ARSK: variants seen among roughly 807,000 people sequenced by gnomAD.
ARSK encodes the protein arylsulfatase K.
A neutral mutation model predicts 53.2 loss-of-function variants in ARSK; 37 were observed. That is an observed-to-expected ratio of 0.70 (90% CI 0.54 to 0.92). The LOEUF is 0.92. ARSK is among the 40% of genes least tolerant of loss of function. The probability of loss-of-function intolerance (pLI) is 0.00; values close to 1 mark genes in which losing one functional copy is unlikely to be tolerated. For missense variants in ARSK, 613 were observed against 643.0 expected (o/e 0.95, Z 0.51); for synonymous variants, 208 against 223.2 (o/e 0.93, Z 0.61).
chr5:95,568,553 T>G (rs1489289183), intron 3 of ARSK, among the ~76,000 whole-genome samples: 1 of 152,224 alleles, frequency 6.6e-6, no homozygotes, highest in African/African-American at 2.4e-5. Flanking sequence ...CTACTAGCAT[T>G]GTAGTAGTCT....
chr5:95,562,717 G>A (rs1221310098), intron 1 of ARSK, among the ~76,000 whole-genome samples: 1 of 152,188 alleles, frequency 6.6e-6, no homozygotes, highest in East Asian at 1.9e-4. Flanking sequence ...GCAACTAAAG[G>A]CAGTTGGTAC....
intron 3 of ARSK, among the ~76,000 whole-genome samples, chr5:95,581,515 G>A (rs776270792): frequency 4.5e-4 from 68 of 152,150 alleles, no homozygotes; most frequent in Admixed American, 1.9e-3. Context: ...AACTAATTAG[G>A]TTGTATTAAA....
chr5:95,568,254 T>C (rs1430925093), intron 3 of ARSK, among the ~76,000 whole-genome samples: 1 of 152,228 alleles, frequency 6.6e-6, no homozygotes, highest in African/African-American at 2.4e-5. Flanking sequence ...CATTTTGTTT[T>C]TCTTAAGCAT....
At chr5:95,575,277 A>G (rs2112425389) in intron 3 of ARSK, among the ~76,000 whole-genome samples, 1 of 152,274 alleles carries the variant, frequency 6.6e-6, no homozygotes, top group Non-Finnish European at 1.5e-5. Context: ...GGCAGGTAAT[A>G]TGATTCCTCC....
chr5:95,599,842 CAAGTT>C (rs1454037471), intron 6 of ARSK, among the ~76,000 whole-genome samples: 1 of 152,094 alleles, frequency 6.6e-6, no homozygotes, highest in African/African-American at 2.4e-5. Context: ...CAAAGATAGT[CAAGTT>C]AAATTAATTT....
chr5:95,569,509 A>G (rs925963638), intron 3 of ARSK, among the ~76,000 whole-genome samples: 3 of 152,210 alleles, frequency 2.0e-5, no homozygotes, highest in African/African-American at 7.2e-5. Context: ...CACACAGAGA[A>G]GAAAACAATG....
In ARSK at chr5:95,571,692, G is replaced by A. The variant is rs188262774; in HGVS notation, c.416+3643G>A. Among the ~76,000 whole-genome samples the A allele has an allele frequency of 3.8e-3, 583 of 152,284 alleles. 4 individuals carry two copies. Among genetic ancestry groups the A allele is most frequent in the South Asian group, 7.2e-3 (35 of 4,828 alleles). On this transcript the variant is annotated intron_variant, in intron 3 of 7. Transcript: ENST00000380009. Reference sequence around the variant, plus strand: ...TCAGTGCAATACTTGCTTAAAGCATGTTTTCATTTACTCACACTCTCATCA... The same window carrying A: ...TCAGTGCAATACTTGCTTAAAGCATATTTTCATTTACTCACACTCTCATCA...
In ARSK at chr5:95,576,683, G is replaced by A. The variant is rs895081741; in HGVS notation, c.417-6233G>A. ...GTGGATCACTTGGGCTCAGGAGCTC[G>A]AGACCAGCCTGGCCAACATGGTGAA... is the stretch of plus-strand genomic sequence containing the variant. On this transcript the variant is annotated intron_variant, in intron 3 of 7. Transcript: ENST00000380009. Among the ~76,000 whole-genome samples, 7 of 151,510 alleles carry A rather than the reference G, an allele frequency of 4.6e-5. 1 individual carries two copies. In the East Asian group the frequency reaches 1.2e-3, roughly 26 times the overall value.
Position 95,555,919 on chromosome 5 carries a change from C to T in ARSK, c.126+515C>T, listed in dbSNP as rs752526839. 2.0e-5 allele frequency among the ~76,000 whole-genome samples: 3 copies of T among 152,150 alleles called. No individual in the cohort carries two copies. The highest frequency in any genetic ancestry group is 4.4e-5 in the Non-Finnish European group (3 of 68,026). On this transcript the variant is annotated intron_variant, in intron 1 of 7. Coordinates refer to ENST00000380009, the MANE Select transcript of ARSK (RefSeq NM_198150.3). The surrounding 1 kb of genome is among the most constrained non-coding windows in gnomAD (Gnocchi z 4.0). ...GTTGGTATAACTTGATTCACTCCCC[C>T]GTATTCCAGAGAAATTGTGTGTATG...
At chr5:95,583,462 G>A (rs184446426) in intron 4 of ARSK, among the ~76,000 whole-genome samples, 1 of 152,256 alleles carries the variant, frequency 6.6e-6, no homozygotes, top group East Asian at 1.9e-4. Flanking sequence ...TCTTAGAAAT[G>A]TAGGCAGCTC....
chr5:95,571,154 C>A (rs1748824419), intron 3 of ARSK, among the ~76,000 whole-genome samples: 1 of 152,180 alleles, frequency 6.6e-6, no homozygotes, highest in Non-Finnish European at 1.5e-5. Flanking sequence ...TCTTTAAAAT[C>A]TTTCTCCTTT....
chr5:95,585,662 G>A (rs541647330), intron 4 of ARSK, among the ~76,000 whole-genome samples: 10 of 152,108 alleles, frequency 6.6e-5, no homozygotes, highest in Non-Finnish European at 1.3e-4. Context: ...GGACTGGTTG[G>A]GGGAAGGTGG....
chr5:95,596,068 C>G (rs1749302998), intron 6 of ARSK, among the ~76,000 whole-genome samples: 1 of 152,090 alleles, frequency 6.6e-6, no homozygotes, highest in East Asian at 1.9e-4. Flanking sequence ...ATTTAACAGC[C>G]TTAGGAGCCA....
intron 1 of ARSK, chr5:95,557,162 A>G (rs1238422953): frequency 6.6e-6 from 1 of 152,104 alleles, no homozygotes; most frequent in African/African-American, 2.4e-5. Flanking sequence ...ACCCATCCCC[A>G]TTAGTATTTG....
chr5:95,560,324 G>A (rs1308602300), intron 1 of ARSK, among the ~76,000 whole-genome samples: 1 of 150,256 alleles, frequency 6.7e-6, no homozygotes, highest in Non-Finnish European at 1.5e-5. Context: ...TTTCTGCAGA[G>A]ATGGAAAAAC....
At chr5:95,602,485 C>A (rs573941884) in intron 7 of ARSK, among the ~76,000 whole-genome samples, 1 of 152,088 alleles carries the variant, frequency 6.6e-6, no homozygotes, top group Non-Finnish European at 1.5e-5. Context: ...CTTCAGGGGC[C>A]TCTTGGCTAC....
In ARSK at chr5:95,600,852, G is replaced by A; in HGVS notation, c.1102G>A (p.Ala368Thr). Residue 368 changes from alanine to threonine, a missense_variant, in exon 7 of 8, where the codon GCT (alanine) becomes ACT (threonine). Ala to Thr is a moderately conservative substitution (Grantham distance 58). Transcript: ENST00000380009. ...TGGTTATTTTTGTTACATAGATATT[G>A]CTGGAATTCCTCTGCCTCAGAACCT... The part of the protein sequence containing the change: ...VDIYPTMLDI[A>T]GIPLPQNLSG... The A allele has an allele frequency of 1.9e-6, 3 of 1,612,608 alleles. No individual in the cohort carries two copies. Among genetic ancestry groups the A allele is most frequent in the Non-Finnish European group, 2.5e-6 (3 of 1,178,750 alleles).
At position 95,574,549 on chromosome 5, in the gene ARSK, C is replaced by T. The variant is rs771028459; in HGVS notation, c.416+6500C>T. 4.6e-5 allele frequency among the ~76,000 whole-genome samples: 7 copies of T among 152,010 alleles called. No individual in the cohort carries two copies. The East Asian group carries it at 5.8e-4, about 13-fold the overall frequency. On this transcript the variant is annotated intron_variant, in intron 3 of 7. Transcript: ENST00000380009. ...TGGATAAAAGCCATTTTAGCTGAGA[C>T]GATATCTCATTATAGTTTTGATTTG...
At chr5:95,561,557 ATAT>A (rs1282057488) in intron 1 of ARSK, among the ~76,000 whole-genome samples, 2 of 152,268 alleles carry the variant, frequency 1.3e-5, no homozygotes, top group Non-Finnish European at 2.9e-5. Flanking sequence ...AAATTTGGTA[ATAT>A]TATTCAACAA....
Sources: gnomAD v4.1 joint callset for allele counts (sites outside exome capture counted in the v4.1 genomes callset) on GRCh38, gnomAD v4.1.1 for gene constraint, Gnocchi (gnomAD v3.1) non-coding constraint, MANE v1.5 for transcripts, NCBI Gene and HGNC (gene_info 2026-07-23, HGNC 2026-07-21) for gene names.